The following RASAL2 variants were observed in gnomAD, a reference collection of about 807,000 sequenced individuals.
RASAL2 encodes ras GTPase-activating protein nGAP.
In RASAL2, 58 loss-of-function variants were observed where a neutral mutation model predicts 128.9. That is an observed-to-expected ratio of 0.45 (90% CI 0.36 to 0.56). The LOEUF is 0.56. RASAL2 is among the 20% of genes least tolerant of loss of function. RASAL2 has a pLI of 0.00. For missense variants in RASAL2, 1,360 were observed against 1,601.6 expected, an observed-to-expected ratio of 0.85 and a Z score of 2.57; for synonymous variants, 561 against 580.8, an observed-to-expected ratio of 0.97 and a Z score of 0.49.
intron 6 of RASAL2, 78 bp from the exon 7 acceptor site, chr1:178,441,471 A>G (rs756171364): frequency 2.1e-6 from 2 of 931,312 alleles, no homozygotes; most frequent in Non-Finnish European, 3.5e-6. Flanking sequence ...TAAGAGTTAG[A>G]GGTATGCTGT....
chr1:178,170,203 A>C (rs1240151975), intron 1 of RASAL2, among the ~76,000 whole-genome samples: 1 of 151,982 alleles, frequency 6.6e-6, no homozygotes, highest in Admixed American at 6.6e-5. Context: ...TATGTTGTTG[A>C]CTGGAGAACC....
intron 1 of RASAL2, among the ~76,000 whole-genome samples, chr1:178,198,647 G>A (rs1371122559): frequency 6.6e-6 from 1 of 152,144 alleles, no homozygotes; most frequent in African/African-American, 2.4e-5. Flanking sequence ...AGCAAATATT[G>A]CAGAACAGCA....
intron 1 of RASAL2, among the ~76,000 whole-genome samples, chr1:178,171,562 AG>A (rs919200383): frequency 4.6e-5 from 7 of 152,022 alleles, no homozygotes; most frequent in African/African-American, 1.7e-4. Flanking sequence ...TGGGGTGCAC[AG>A]GTTGGTGTGG....
chr1:178,361,851 G>A (rs1158300599), intron 3 of RASAL2, among the ~76,000 whole-genome samples: 4 of 152,008 alleles, frequency 2.6e-5, no homozygotes, highest in African/African-American at 4.8e-5. Flanking sequence ...TCGTTTCCCT[G>A]CAACTAGATG....
chr1:178,219,521 G>A (rs1177010680), intron 1 of RASAL2, among the ~76,000 whole-genome samples: 1 of 151,576 alleles, frequency 6.6e-6, no homozygotes, highest in African/African-American at 2.4e-5. Flanking sequence ...CACGCACATA[G>A]TCCCCTCTAC....
intron 1 of RASAL2, among the ~76,000 whole-genome samples, chr1:178,139,289 C>T (rs1158695757): frequency 2.6e-5 from 4 of 151,924 alleles, no homozygotes; most frequent in Non-Finnish European, 5.9e-5. Flanking sequence ...CTGAGAGGAC[C>T]ATATTTGTGA....
chr1:178,189,732 C>G (rs891362462), intron 1 of RASAL2, among the ~76,000 whole-genome samples: 10 of 152,124 alleles, frequency 6.6e-5, no homozygotes, highest in Admixed American at 6.6e-4. Context: ...AAAGATAATC[C>G]TCTGGGGTTC....
At chr1:178,297,051 A>AG (rs1247818453) in intron 2 of RASAL2, among the ~76,000 whole-genome samples, 1 of 152,056 alleles carries the variant, frequency 6.6e-6, no homozygotes, top group Non-Finnish European at 1.5e-5. Context: ...AGAAAAAAAA[A>AG]CAAAGAAAGA....
chr1:178,257,427 G>A (rs1318701863), intron 1 of RASAL2, among the ~76,000 whole-genome samples: 3 of 146,518 alleles, frequency 2.0e-5, no homozygotes, highest in African/African-American at 7.7e-5. Context: ...AGGGATATGT[G>A]TGTGTGTGTG....
chr1:178,336,558 G>A (rs1016550514), intron 3 of RASAL2, among the ~76,000 whole-genome samples: 1 of 151,818 alleles, frequency 6.6e-6, no homozygotes, highest in African/African-American at 2.4e-5. Flanking sequence ...TAGCTTAATA[G>A]GAAATCTGTA....
chr1:178,451,935 A>T (rs1677405542), intron 10 of RASAL2, among the ~76,000 whole-genome samples: 1 of 152,222 alleles, frequency 6.6e-6, no homozygotes, highest in Admixed American at 6.5e-5. Context: ...ATCTACATAA[A>T]TATAATCTCT....
intron 5 of RASAL2, among the ~76,000 whole-genome samples, chr1:178,433,229 C>T (rs1271163621): frequency 6.6e-6 from 1 of 152,102 alleles, no homozygotes. Flanking sequence ...TCCACACCTG[C>T]ATATAGTGAA....
At chr1:178,102,831 C>T (rs1374282440) in intron 1 of RASAL2, among the ~76,000 whole-genome samples, 1 of 152,176 alleles carries the variant, frequency 6.6e-6, no homozygotes, top group Admixed American at 6.5e-5. Flanking sequence ...GGTCCCTCTT[C>T]CCAATCAATA....
intron 3 of RASAL2, among the ~76,000 whole-genome samples, chr1:178,323,162 A>G (rs1340849870): frequency 6.6e-6 from 1 of 152,162 alleles, no homozygotes; most frequent in Non-Finnish European, 1.5e-5. Context: ...ATTTGGATGT[A>G]TGTTCTTATG....
chr1:178,423,755 C>T (rs1413071872), intron 5 of RASAL2, among the ~76,000 whole-genome samples: 2 of 152,060 alleles, frequency 1.3e-5, no homozygotes, highest in Non-Finnish European at 2.9e-5. Flanking sequence ...TTTGCTAATG[C>T]TTAGTATACT....
intron 1 of RASAL2, among the ~76,000 whole-genome samples, chr1:178,142,164 C>T (rs761133521): frequency 6.6e-6 from 1 of 152,082 alleles, no homozygotes; most frequent in Non-Finnish European, 1.5e-5. Flanking sequence ...CTAGCACTGT[C>T]GCCTGGATTT....
chr1:178,277,697 A>G (rs980187578), intron 1 of RASAL2, among the ~76,000 whole-genome samples: 1 of 152,188 alleles, frequency 6.6e-6, no homozygotes, highest in Non-Finnish European at 1.5e-5. Context: ...GTTTACACCA[A>G]TTATCTGTTG....
chr1:178,439,594 A>G lies in RASAL2; in HGVS notation c.828+19A>G, dbSNP rs766867230. On this transcript the variant is annotated intron_variant, in intron 6 of 17. Transcript: ENST00000367649. Reference sequence around the variant, plus strand: ...CTTTGAGGTAAAAATAAAGTGTAGAAAAAAGGAAGAGTAGTTAAACAACAA... The same window carrying G: ...CTTTGAGGTAAAAATAAAGTGTAGAGAAAAGGAAGAGTAGTTAAACAACAA... The G allele has an allele frequency of 1.2e-6, 2 of 1,606,450 alleles. No individual in the cohort carries two copies. The highest frequency in any genetic ancestry group is 1.7e-6 in the Non-Finnish European group (2 of 1,176,548).
At chr1:178,299,934 A>C (rs1428721415) in intron 2 of RASAL2, 58 bp from the exon 3 acceptor site, 1 of 1,561,008 alleles carries the variant, frequency 6.4e-7, no homozygotes, top group Non-Finnish European at 8.7e-7. Flanking sequence ...TTATTCAATC[A>C]GAACGTAGTT....
Sources: gnomAD v4.1 joint callset for allele counts (sites outside exome capture counted in the v4.1 genomes callset) on GRCh38, gnomAD v4.1.1 for gene constraint, MANE v1.5 for transcripts, NCBI Gene and HGNC (gene_info 2026-07-23, HGNC 2026-07-21) for gene names.